CBFA2T3: variants seen among roughly 807,000 people sequenced by gnomAD.
CBFA2T3 encodes the protein transcriptional corepressor CBFA2T3.
In CBFA2T3, 31 loss-of-function variants were observed where a neutral mutation model predicts 58.6. The observed-to-expected ratio is 0.53, with a 90% CI of 0.40 to 0.71. CBFA2T3 has a LOEUF of 0.71. Among genes scored for constraint, CBFA2T3 ranks in the 30% least tolerant of loss-of-function variants. The probability of loss-of-function intolerance (pLI) is 0.00; values close to 1 mark genes in which losing one functional copy is unlikely to be tolerated. For missense variants in CBFA2T3, 1,076 were observed against 963.1 expected, an observed-to-expected ratio of 1.12 and a Z score of -1.55; for synonymous variants, 531 against 421.9, an observed-to-expected ratio of 1.26 and a Z score of -3.17.
intron 1 of CBFA2T3, among the ~76,000 whole-genome samples, chr16:88,923,177 C>G (rs1970977419): frequency 6.6e-6 from 1 of 152,212 alleles, no homozygotes; most frequent in Non-Finnish European, 1.5e-5. Flanking sequence ...GAGCTGGGAG[C>G]ACAGCTTTGG....
intron 5 of CBFA2T3, among the ~76,000 whole-genome samples, chr16:88,888,809 G>T (rs371007386): frequency 4.8e-4 from 73 of 152,036 alleles, no homozygotes; most frequent in African/African-American, 1.7e-3. Context: ...GGCCCCGGGT[G>T]GGGGCACGAG....
At chr16:88,936,428 TCAGGGGCAGCCGAGTATCCACCACGAC>T (rs1971502678) in intron 1 of CBFA2T3, among the ~76,000 whole-genome samples, 1 of 151,252 alleles carries the variant, frequency 6.6e-6, no homozygotes, top group African/African-American at 2.4e-5. Context: ...GACCCCAGCC[TCAGGGGCAGCCGAGTATCCACCACGAC>T]CCCAGCCTCA....
chr16:88,914,724 G>C (rs1970636155), intron 1 of CBFA2T3, among the ~76,000 whole-genome samples: 2 of 152,196 alleles, frequency 1.3e-5, no homozygotes, highest in African/African-American at 4.8e-5. Context: ...GTCTTCTACA[G>C]CACCCTGCCG....
intron 1 of CBFA2T3, among the ~76,000 whole-genome samples, chr16:88,954,818 G>C (rs12446171): frequency 1.0e-4 from 1 of 9,920 alleles, no homozygotes; most frequent in Non-Finnish European, 2.4e-4. Context: ...CCTGACCCCA[G>C]CCAAGGCTCC....
intron 1 of CBFA2T3, among the ~76,000 whole-genome samples, chr16:88,949,081 A>G (rs1041610374): frequency 6.6e-6 from 1 of 152,382 alleles, no homozygotes. Context: ...GGGTTAAAGA[A>G]TAAAATGTGA....
chr16:88,892,579 C>G, intron 3 of CBFA2T3, 94 bp from the exon 4 acceptor site: 1 of 1,405,322 alleles, frequency 7.1e-7, no homozygotes, highest in Non-Finnish European at 1.0e-6. Flanking sequence ...ACTAAGGTGA[C>G]AATGTCAAAA....
intron 1 of CBFA2T3, 118 bp from the exon 2 acceptor site, chr16:88,901,774 T>C: frequency 1.1e-6 from 1 of 881,810 alleles, no homozygotes; most frequent in Non-Finnish European, 1.6e-6. Flanking sequence ...GCTGGGGCAG[T>C]CTGCCCCAGG....
At chr16:88,882,472 G>GTGGCTGTGCGTGGGC (rs1567575191) in intron 8 of CBFA2T3, among the ~76,000 whole-genome samples, 9 of 143,522 alleles carry the variant, frequency 6.3e-5, no homozygotes, top group African/African-American at 2.2e-4. Flanking sequence ...TGTGCGTGGG[G>GTGGCTGTGCGTGGGC]GTGGCTGTGT....
intron 1 of CBFA2T3, among the ~76,000 whole-genome samples, chr16:88,948,059 C>T (rs116695588): frequency 7.2e-5 from 11 of 152,198 alleles, no homozygotes; most frequent in South Asian, 2.1e-4. Flanking sequence ...ATTCCATTCC[C>T]GTGGTGGGTG....
In CBFA2T3 at chr16:88,876,326, T is replaced by C. The variant is rs1249094159; in HGVS notation, c.*650A>G. ...TCTGAAACCAAAAATGCATCTTGAG[T>C]CAGAAATCGAAATCTTTCCTCCCGT... On this transcript the variant is annotated 3_prime_UTR_variant, in exon 12 of 12. Transcript: ENST00000268679. The C allele has an allele frequency of 4.4e-6, 1 of 228,122 alleles. No homozygotes were observed. The highest frequency in any genetic ancestry group is 8.7e-6 in the Non-Finnish European group (1 of 114,946). The allele number at this position is 228,122 out of a possible 1,614,324, so 14.1% of individuals were successfully genotyped here.
intron 1 of CBFA2T3, among the ~76,000 whole-genome samples, chr16:88,940,801 AGTTTCGCCGCAGCCCC>A (rs2142806307): frequency 6.6e-6 from 1 of 152,066 alleles, no homozygotes; most frequent in South Asian, 2.1e-4. Context: ...TTCCCCTCGA[AGTTTCGCCGCAGCCCC>A]CGCAGGTCAG....
chr16:88,902,340 A>G, intron 1 of CBFA2T3: 1 of 152,296 alleles, frequency 6.6e-6, no homozygotes, highest in East Asian at 1.9e-4. Context: ...AGGATGGCCG[A>G]GGCCTGGCTG....
chr16:88,903,664 G>T (rs1202640670), intron 1 of CBFA2T3, among the ~76,000 whole-genome samples: 38 of 136,688 alleles, frequency 2.8e-4, no homozygotes, highest in African/African-American at 9.9e-4. Flanking sequence ...CCGGCTGGGG[G>T]GGGGGGCGTT....
At position 88,940,256 on chromosome 16, in the gene CBFA2T3, G is replaced by A. The variant is rs761691070; in HGVS notation, c.151+36401C>T. The A allele has an allele frequency of 4.5e-5, 7 of 155,644 alleles. No individual in the cohort carries two copies. The South Asian group carries it at 1.3e-3, about 28-fold the overall frequency. 9.6% of individuals were successfully genotyped at this position (155,644 alleles called of 1,614,324 possible). On this transcript the variant is annotated intron_variant, in intron 1 of 11. Coordinates refer to ENST00000268679, the MANE Select transcript of CBFA2T3 (RefSeq NM_005187.6). ...CACACGGGCGGACGCAGGGGCGGGG[G>A]AGCGCCAGCCCCGCAGTGTGTTCGG... is the stretch of plus-strand genomic sequence containing the variant.
chr16:88,880,762 T>C lies in CBFA2T3; in HGVS notation c.1429A>G (p.Thr477Ala), dbSNP rs955798422. 2.5e-6 allele frequency: 4 copies of C among 1,584,292 alleles called. No individual in the cohort carries two copies. The highest frequency in any genetic ancestry group is 2.7e-5 in the African/African-American group (2 of 74,442). ...TCCTCAGGCACGTAGCCGGTGAGGG[T>C]CCTCGGCAGGAACTCGCGAGGCACG... The part of the protein sequence containing the change: ...LDVPREFLPR[T>A]LTGYVPEDIW... The change falls in exon 10 of 12, where the codon ACC becomes GCC. Residue 477 changes from threonine to alanine, a missense_variant. Transcript: ENST00000268679.
chr16:88,931,867 G>A (rs1971317985), intron 1 of CBFA2T3, among the ~76,000 whole-genome samples: 3 of 152,134 alleles, frequency 2.0e-5, no homozygotes, highest in Admixed American at 6.5e-5. Context: ...CAGAGGGGAT[G>A]GGGAGGAGGG....
chr16:88,881,175 C>T, intron 9 of CBFA2T3, 116 bp downstream of exon 9: 1 of 972,150 alleles, frequency 1.0e-6, no homozygotes. Flanking sequence ...GTGCCTCTTT[C>T]TCAAGCGAAA....
intron 1 of CBFA2T3, among the ~76,000 whole-genome samples, chr16:88,926,583 C>A (rs900084818): frequency 6.6e-6 from 1 of 152,198 alleles, no homozygotes; most frequent in Non-Finnish European, 1.5e-5. Flanking sequence ...GGTCAGCCAA[C>A]GAGCTTTGTG....
intron 1 of CBFA2T3, among the ~76,000 whole-genome samples, chr16:88,971,171 G>A (rs1340528337): frequency 6.6e-6 from 1 of 152,056 alleles, no homozygotes; most frequent in African/African-American, 2.4e-5. Context: ...GTGCAGGGGC[G>A]CAATCTTGGC....
Sources: allele counts gnomAD v4.1 joint callset (sites outside exome capture counted in the v4.1 genomes callset), GRCh38; gene constraint gnomAD v4.1.1; transcripts MANE v1.5; gene names NCBI Gene and HGNC (gene_info 2026-07-23, HGNC 2026-07-21).